Variants in RPS6KA5 observed in about 807,000 individuals in gnomAD.
RPS6KA5 encodes the protein ribosomal protein S6 kinase alpha-5.
A neutral mutation model predicts 85.5 loss-of-function variants in RPS6KA5; 27 were observed. The ratio of observed to expected loss-of-function variants is 0.32; its 90% CI spans 0.23 to 0.44. RPS6KA5 has a LOEUF of 0.44. Ranked by LOEUF, RPS6KA5 falls within the 20% of genes least tolerant of loss-of-function variation. The pLI is 1.00. For missense variants in RPS6KA5, 811 were observed against 980.9 expected, an observed-to-expected ratio of 0.83 and a Z score of 2.31; for synonymous variants, 334 against 348.2, an observed-to-expected ratio of 0.96 and a Z score of 0.46.
chr14:90,864,537 G>A lies in RPS6KA5; in HGVS notation c.*7537C>T, dbSNP rs2032718984. 1 of 152,062 alleles carries A rather than the reference G, an allele frequency of 6.6e-6. No individual in the cohort carries two copies. Among genetic ancestry groups the A allele is most frequent in the South Asian group, 2.1e-4 (1 of 4,812 alleles). 9.4% of individuals were successfully genotyped at this position (152,062 alleles called of 1,614,324 possible). A position where few individuals can be genotyped will look rare whatever the true frequency, so the allele number is the denominator to read the frequency against. ...AGTATTAGCAATTAAATAAAAGACTGGTATATTGGACTTCATAAAATTTTT... is the reference window on the plus strand; with the variant it reads ...AGTATTAGCAATTAAATAAAAGACTAGTATATTGGACTTCATAAAATTTTT... On this transcript the variant is annotated 3_prime_UTR_variant, in exon 17 of 17. Coordinates refer to ENST00000614987, the MANE Select transcript of RPS6KA5 (RefSeq NM_004755.4).
chr14:91,036,424 C>T (rs1013937140), intron 1 of RPS6KA5, among the ~76,000 whole-genome samples: 2 of 152,094 alleles, frequency 1.3e-5, no homozygotes, highest in Admixed American at 6.6e-5. Flanking sequence ...TTATTTGTAA[C>T]AGGATGGATG....
At chr14:90,951,786 C>A (rs1234607343) in intron 3 of RPS6KA5, among the ~76,000 whole-genome samples, 1 of 152,066 alleles carries the variant, frequency 6.6e-6, no homozygotes, top group African/African-American at 2.4e-5. Flanking sequence ...GGCATTACCC[C>A]CAGAGGCCTT....
intron 3 of RPS6KA5, among the ~76,000 whole-genome samples, chr14:90,950,490 A>G (rs1262936540): frequency 6.6e-6 from 1 of 152,250 alleles, no homozygotes; most frequent in Non-Finnish European, 1.5e-5. Flanking sequence ...GAAAGCATTC[A>G]GTCTTTAACC....
In RPS6KA5 at chr14:90,903,229, G is replaced by C. The variant is rs547206885; in HGVS notation, c.958-260C>G. ...CTCTGGGGGGCACCAAGACACCCTA[G>C]TTTACCTTTAAAGACAACAGAAGAA... is the stretch of plus-strand genomic sequence containing the variant. On this transcript the variant is annotated intron_variant, in intron 8 of 16. Transcript: ENST00000614987. Among the ~76,000 whole-genome samples the C allele has an allele frequency of 3.3e-5, 5 of 152,074 alleles. No homozygotes were observed. The East Asian group carries it at 9.7e-4, about 30-fold the overall frequency.
In RPS6KA5 at chr14:90,860,534, A is replaced by AAAAAT. The variant is rs1323757330; in HGVS notation, c.*11535_*11539dup. ...GGGTGACAGAGTGAGACTTGGTCTC[A>AAAAAT]AAAATAAAATAAAATAAAATGGTGA... is the stretch of plus-strand genomic sequence containing the variant. On this transcript the variant is annotated 3_prime_UTR_variant, in exon 17 of 17. Transcript: ENST00000614987. The AAAAAT allele has an allele frequency of 4.6e-5, 7 of 152,340 alleles. No individual in the cohort carries two copies. The highest frequency in any genetic ancestry group is 2.6e-4 in the Admixed American group (4 of 15,304). 9.4% of individuals were successfully genotyped at this position (152,340 alleles called of 1,614,324 possible).
chr14:90,961,609 G>C (rs2038801541), intron 3 of RPS6KA5, among the ~76,000 whole-genome samples: 1 of 151,840 alleles, frequency 6.6e-6, no homozygotes, highest in South Asian at 2.1e-4. Flanking sequence ...TTAAATTTTG[G>C]AGGGCTCATC....
intron 3 of RPS6KA5, among the ~76,000 whole-genome samples, chr14:90,974,199 C>T (rs1424650607): frequency 6.6e-6 from 1 of 152,084 alleles, no homozygotes; most frequent in Admixed American, 6.6e-5. Flanking sequence ...TTTCTCCTAA[C>T]GTGATATAAC....
rs542048135 is a variant in RPS6KA5, at chr14:90,856,027, G to A, written c.*16047C>T. 9.2e-5 allele frequency: 14 copies of A among 152,206 alleles called. No individual in the cohort carries two copies. The highest frequency in any genetic ancestry group is 3.4e-4 in the African/African-American group (14 of 41,520). 9.4% of individuals were successfully genotyped at this position (152,206 alleles called of 1,614,324 possible). On this transcript the variant is annotated 3_prime_UTR_variant, in exon 17 of 17. Transcript: ENST00000614987. ...CCCAAAGTAAGAAATTAAACTTTAG[G>A]GCAAAGATACAAGTAATGATAAGCT... is the stretch of plus-strand genomic sequence containing the variant.
chr14:90,854,822 G>T lies in RPS6KA5; in HGVS notation c.*17252C>A, dbSNP rs547941655. ...TATTCAAAATATATTATTAAAAAAT[G>T]TCAATACCTAGTTACTTCAAAAAAT... On this transcript the variant is annotated 3_prime_UTR_variant, in exon 17 of 17. Transcript: ENST00000614987. The T allele has an allele frequency of 6.6e-6, 1 of 152,086 alleles. No homozygotes were observed. The highest frequency in any genetic ancestry group is 1.5e-5 in the Non-Finnish European group (1 of 68,000). The allele number at this position is 152,086 out of a possible 1,614,324, so 9.4% of individuals were successfully genotyped here.
At chr14:90,994,824 G>A (rs989644222) in intron 2 of RPS6KA5, among the ~76,000 whole-genome samples, 3 of 151,230 alleles carry the variant, frequency 2.0e-5, no homozygotes, top group Non-Finnish European at 2.9e-5. Flanking sequence ...CGCCTGCCTC[G>A]GCCTCCCAAA....
intron 14 of RPS6KA5, among the ~76,000 whole-genome samples, chr14:90,877,210 C>T (rs894723560): frequency 3.3e-5 from 5 of 152,144 alleles, no homozygotes; most frequent in African/African-American, 1.2e-4. Flanking sequence ...CATGAGAATG[C>T]GCAGAGTTTG....
intron 12 of RPS6KA5, among the ~76,000 whole-genome samples, chr14:90,897,841 AATG>A (rs1310919199): frequency 4.6e-5 from 7 of 152,160 alleles, no homozygotes; most frequent in Admixed American, 4.6e-4. Context: ...TGATTCCTTG[AATG>A]ATGTGAATTT....
At chr14:91,000,600 C>T (rs543489315) in intron 2 of RPS6KA5, among the ~76,000 whole-genome samples, 12 of 152,154 alleles carry the variant, frequency 7.9e-5, no homozygotes, top group African/African-American at 2.9e-4. Context: ...AGTTCGAGAC[C>T]AACCTGGCCT....
chr14:90,942,787 T>C (rs1595284148), intron 5 of RPS6KA5, among the ~76,000 whole-genome samples: 1 of 152,246 alleles, frequency 6.6e-6, no homozygotes, highest in Non-Finnish European at 1.5e-5. Flanking sequence ...AAAGAGTTAT[T>C]TGATTTTTCA....
At chr14:90,877,598 C>T (rs2033562454) in intron 14 of RPS6KA5, among the ~76,000 whole-genome samples, 1 of 152,192 alleles carries the variant, frequency 6.6e-6, no homozygotes, top group Non-Finnish European at 1.5e-5. Context: ...CTTTCTTTTT[C>T]AGCCTCAGCT....
intron 2 of RPS6KA5, among the ~76,000 whole-genome samples, chr14:90,995,950 T>C (rs11846297): frequency 6.6e-6 from 1 of 151,870 alleles, no homozygotes; most frequent in Non-Finnish European, 1.5e-5. Context: ...GCTGAGTGTG[T>C]TGGCACATGG....
At chr14:90,952,515 C>T (rs1334896466) in intron 3 of RPS6KA5, among the ~76,000 whole-genome samples, 1 of 152,240 alleles carries the variant, frequency 6.6e-6, no homozygotes, top group Non-Finnish European at 1.5e-5. Context: ...GCCAGAATGG[C>T]ATTACATCAA....
At chr14:90,996,193 GTTTTTTTTT>G (rs750582176) in intron 2 of RPS6KA5, among the ~76,000 whole-genome samples, 2 of 138,712 alleles carry the variant, frequency 1.4e-5, no homozygotes, top group African/African-American at 2.6e-5. Flanking sequence ...TGTTTTTTTT[GTTTTTTTTT>G]TTGTTTTTTT....
intron 5 of RPS6KA5, 134 bp downstream of exon 5, chr14:90,942,944 C>T: frequency 1.5e-6 from 1 of 651,044 alleles, no homozygotes; most frequent in South Asian, 1.9e-5. Flanking sequence ...AAAATCTCTA[C>T]ATTTTCCATG....
Sources: gnomAD v4.1 joint callset for allele counts (sites outside exome capture counted in the v4.1 genomes callset) on GRCh38, gnomAD v4.1.1 for gene constraint, MANE v1.5 for transcripts, NCBI Gene and HGNC (gene_info 2026-07-23, HGNC 2026-07-21) for gene names.